ADGRB1: variants seen among roughly 807,000 people sequenced by gnomAD.
ADGRB1 encodes the protein brain-specific angiogenesis inhibitor 1.
Under a neutral mutation model 175.7 loss-of-function variants are expected in ADGRB1, and 36 were observed. The ratio of observed to expected loss-of-function variants is 0.20; its 90% CI spans 0.16 to 0.27. The LOEUF (loss-of-function observed/expected upper bound fraction) is 0.27, where lower values mean the gene tolerates loss of function less well. Among genes scored for constraint, ADGRB1 ranks in the 10% least tolerant of loss-of-function variants. ADGRB1 has a pLI of 1.00. For missense variants in ADGRB1, 1,731 were observed against 2,255.3 expected (o/e 0.77, Z 4.71); for synonymous variants, 1,054 against 979.4 (o/e 1.08, Z -1.42).
intron 17 of ADGRB1, among the ~76,000 whole-genome samples, chr8:142,499,990 A>T (rs1275144354): frequency 2.0e-5 from 3 of 151,708 alleles, no homozygotes; most frequent in African/African-American, 7.3e-5. Context: ...CCTGGCAGCC[A>T]TCTCAGCCGG....
rs1466773735 is a variant in ADGRB1, at chr8:142,522,664, A to G, written c.3199A>G (p.Ile1067Val). ...GWGLPALVVAISVGFTKAKGY... is the reference protein window; with the variant it reads ...GWGLPALVVAVSVGFTKAKGY... The stretch of plus-strand genomic sequence containing the variant: ...AGGGCTCCCTGCACTGGTTGTGGCC[A>G]TTTCTGTGGGATTCACCAAGGCCAA... Residue 1067 changes from isoleucine (I) to valine (V), a missense_variant, in exon 22 of 31, where the codon ATT (isoleucine) becomes GTT (valine). Physicochemically the swap from Ile to Val is conservative, Grantham distance 29. This residue lies in a region of ADGRB1 where 301 missense variants were observed against 488.4 expected (regional missense o/e 0.62). Coordinates refer to ENST00000517894, the MANE Select transcript of ADGRB1 (RefSeq NM_001702.3). 1.9e-6 allele frequency: 3 copies of G among 1,562,234 alleles called. No individual in the cohort carries two copies. Among genetic ancestry groups the G allele is most frequent in the African/African-American group, 2.7e-5 (2 of 73,090 alleles).
Position 142,511,570 on chromosome 8 carries a change from A to C in ADGRB1, c.2817+497A>C, listed in dbSNP as rs1843106500. ...GGAGGAGGTGGCGGTGGCCCCAGGC[A>C]GGGGCCCTGGCCCAGATCCACCGCC... On this transcript the variant is annotated intron_variant, in intron 18 of 30. Transcript: ENST00000517894. The surrounding 1 kb of genome is among the most constrained non-coding windows in gnomAD (Gnocchi z 4.5). Among the ~76,000 whole-genome samples the C allele has an allele frequency of 6.6e-6, 1 of 152,134 alleles. No individual in the cohort carries two copies. Among genetic ancestry groups the C allele is most frequent in the Non-Finnish European group, 1.5e-5 (1 of 67,994 alleles).
chr8:142,522,951 C>G (rs1290749960), intron 22 of ADGRB1, among the ~76,000 whole-genome samples: 1 of 152,238 alleles, frequency 6.6e-6, no homozygotes, highest in Non-Finnish European at 1.5e-5. Flanking sequence ...AGAAACCGGG[C>G]CATCAGGGCC....
rs941154345 is a variant in ADGRB1, at chr8:142,472,843, G to A, written c.785-2631G>A. ...CAGGAATCAGTGTGTGACTAGAATC[G>A]AGACTCAGTATGCGTCCAGGGTCAG... On this transcript the variant is annotated intron_variant, in intron 2 of 30. Transcript: ENST00000517894. Among the ~76,000 whole-genome samples the A allele has an allele frequency of 3.3e-5, 5 of 152,098 alleles. No individual in the cohort carries two copies. In the East Asian group the frequency reaches 9.7e-4, roughly 29 times the overall value.
chr8:142,520,697 G>A (rs1843788620), intron 19 of ADGRB1, 126 bp from the exon 20 acceptor site: 1 of 738,240 alleles, frequency 1.4e-6, no homozygotes, highest in Admixed American at 2.0e-5. Flanking sequence ...TCATGGTGGT[G>A]GTGCTGTTGG....
At chr8:142,530,003 A>T (rs893434638) in intron 24 of ADGRB1, among the ~76,000 whole-genome samples, 1 of 141,762 alleles carries the variant, frequency 7.1e-6, no homozygotes, top group Non-Finnish European at 1.5e-5. Context: ...TGTGAGCGCA[A>T]CCTGCTGTGC....
chr8:142,538,815 A>G (rs970368158), intron 26 of ADGRB1, among the ~76,000 whole-genome samples: 1 of 152,114 alleles, frequency 6.6e-6, no homozygotes, highest in African/African-American at 2.4e-5. Context: ...CAGACCCTGG[A>G]TGGGGCCCCC....
At chr8:142,531,248 G>A (rs1196635806) in intron 24 of ADGRB1, among the ~76,000 whole-genome samples, 2 of 152,378 alleles carry the variant, frequency 1.3e-5, no homozygotes, top group Non-Finnish European at 2.9e-5. Flanking sequence ...CGAGGCCCCA[G>A]CCGAGGGGTC....
rs113378794 is a variant in ADGRB1, at chr8:142,514,292, C to A, written c.2817+3219C>A. On this transcript the variant is annotated intron_variant, in intron 18 of 30. Transcript: ENST00000517894. ...ATGAGATCCGGGCAGGGTGGTAGAG[C>A]GAGGGGAGGTGAGACCCACGAGTCC... 2.2e-3 allele frequency among the ~76,000 whole-genome samples: 331 copies of A among 151,890 alleles called. 3 individuals carry two copies. Among genetic ancestry groups the A allele is most frequent in the African/African-American group, 7.6e-3 (314 of 41,380 alleles).
chr8:142,526,663 G>A (rs994521656), intron 24 of ADGRB1, 36 bp downstream of exon 24: 2 of 1,582,024 alleles, frequency 1.3e-6, no homozygotes, highest in Admixed American at 1.8e-5. Context: ...TGCCCACCCG[G>A]AGTGCAAGAC....
Position 142,489,398 on chromosome 8 carries a change from T to G in ADGRB1, c.2591T>G (p.Leu864Arg), listed in dbSNP as rs1272572988. Residue 864 changes from leucine (L) to arginine (R), a missense_variant, in exon 16 of 31, where the codon CTG becomes CGG. By Grantham distance (102) the Leu-to-Arg change is moderately radical (BLOSUM62 -2). Coordinates refer to ENST00000517894, the MANE Select transcript of ADGRB1 (RefSeq NM_001702.3). ...ACTGTGAAACCCCCGCCTCGCTCCCTGCGCACACCCTTGGAGATCGAGTTT... is the reference window on the plus strand; with the variant it reads ...ACTGTGAAACCCCCGCCTCGCTCCCGGCGCACACCCTTGGAGATCGAGTTT... ...SVTVKPPPRSLRTPLEIEFAH... is the reference protein window; with the variant it reads ...SVTVKPPPRSRRTPLEIEFAH... 1 of 1,612,898 alleles carries G rather than the reference T, an allele frequency of 6.2e-7. No individual in the cohort carries two copies. The highest frequency in any genetic ancestry group is 1.3e-5 in the African/African-American group (1 of 74,930).
rs1355689633 is a variant in ADGRB1 at position 142,542,777 on chromosome 8, C to T, written c.4413+130C>T. The stretch of plus-strand genomic sequence containing the variant: ...TGGCTCTGCCTCCTAGCTACACCCC[C>T]CACCCCTGGCCCTGCTGGGTGTGCT... On this transcript the variant is annotated intron_variant, in intron 28 of 30. Transcript: ENST00000517894. This position sits in a 1 kb window ranked among gnomAD's most constrained non-coding sequence, Gnocchi z 6.3. 2.8e-5 allele frequency: 23 copies of T among 816,524 alleles called. No homozygotes were observed. The highest frequency in any genetic ancestry group is 4.0e-5 in the Non-Finnish European group (22 of 546,560). The allele number at this position is 816,524 out of a possible 1,614,324, so 50.6% of individuals were successfully genotyped here. A position where few individuals can be genotyped will look rare whatever the true frequency, so the allele number is the denominator to read the frequency against.
rs760729521 is a variant in ADGRB1, at chr8:142,542,279, CCCACGG to C, written c.4057_4062del (p.Ala1353_Thr1354del). ...TCTGGACACGAGCTACGTGATCCTG[CCCACGG>C]CCACGGCCACGCTGCGGCCCAAGCC... On this transcript the variant is annotated inframe_deletion, in exon 28 of 31. Transcript: ENST00000517894. This position sits in a 1 kb window ranked among gnomAD's most constrained non-coding sequence, Gnocchi z 6.3. 4.3e-6 allele frequency: 7 copies of C among 1,613,432 alleles called. No homozygotes were observed. The highest frequency in any genetic ancestry group is 5.1e-6 in the Non-Finnish European group (6 of 1,179,836).
At position 142,543,528 on chromosome 8, in the gene ADGRB1, G is replaced by A. The variant is rs1325323084; in HGVS notation, c.4450-73G>A. ...CCAGGCAGCTCCCCGGCAGCCAGGG[G>A]ACGGGCGGGGCAGGCAGGATGGGCC... On this transcript the variant is annotated intron_variant, in intron 29 of 30. Coordinates refer to ENST00000517894, the MANE Select transcript of ADGRB1 (RefSeq NM_001702.3). This position sits in a 1 kb window ranked among gnomAD's most constrained non-coding sequence, Gnocchi z 4.4. 1.9e-6 allele frequency: 3 copies of A among 1,597,292 alleles called. No individual in the cohort carries two copies. The highest frequency in any genetic ancestry group is 2.6e-6 in the Non-Finnish European group (3 of 1,171,458).
At chr8:142,523,435 C>G (rs1473271180) in intron 22 of ADGRB1, among the ~76,000 whole-genome samples, 1 of 151,666 alleles carries the variant, frequency 6.6e-6, no homozygotes, top group Non-Finnish European at 1.5e-5. Context: ...ACTGTGGAGC[C>G]CCTGGGGACA....
At chr8:142,532,899 A>G (rs1021642716) in intron 24 of ADGRB1, among the ~76,000 whole-genome samples, 2 of 151,816 alleles carry the variant, frequency 1.3e-5, no homozygotes, top group East Asian at 2.0e-4. Context: ...GATCTTCCCA[A>G]AGAGCCCTTC....
chr8:142,465,046 A>G (rs1229686879), intron 2 of ADGRB1, 64 bp downstream of exon 2: 105 of 274,240 alleles, frequency 3.8e-4, no homozygotes, highest in African/African-American at 1.4e-3. Flanking sequence ...GCGGGCAGAC[A>G]GGGGAGGCGG....
Position 142,481,446 on chromosome 8 carries a change from G to A in ADGRB1, c.1936-71G>A, listed in dbSNP as rs1411769978. ...GGACCCTGCAGAGGGTCCTAGGCATGGGAGATCCTGGGTGGCTGCCTGGAC... is the reference window on the plus strand; with the variant it reads ...GGACCCTGCAGAGGGTCCTAGGCATAGGAGATCCTGGGTGGCTGCCTGGAC... On this transcript the variant is annotated intron_variant, in intron 10 of 30. Transcript: ENST00000517894. 4.4e-6 allele frequency: 7 copies of A among 1,585,980 alleles called. No individual in the cohort carries two copies. In the African/African-American group the frequency reaches 6.7e-5, roughly 15 times the overall value.
intron 1 of ADGRB1, among the ~76,000 whole-genome samples, chr8:142,460,196 G>A (rs1449969628): frequency 3.9e-5 from 6 of 152,266 alleles, no homozygotes; most frequent in African/African-American, 7.2e-5. Flanking sequence ...GGAGGGTGGC[G>A]GGCAGGTGGG....
Sources: gnomAD v4.1 joint callset for allele counts (sites outside exome capture counted in the v4.1 genomes callset) on GRCh38, gnomAD v4.1.1 for gene constraint, gnomAD v4.1.1 regional missense constraint, Gnocchi (gnomAD v3.1) non-coding constraint, MANE v1.5 for transcripts, NCBI Gene and HGNC (gene_info 2026-07-23, HGNC 2026-07-21) for gene names.